Variants in ITGB5 observed in about 807,000 individuals in gnomAD.
ITGB5 encodes integrin subunit beta 5, also known as integrin beta-5.
Under a neutral mutation model 84.8 loss-of-function variants are expected in ITGB5, and 38 were observed. The observed-to-expected ratio is 0.45, with a 90% CI of 0.35 to 0.59. ITGB5 has a LOEUF of 0.59. Among genes scored for constraint, ITGB5 ranks in the 20% least tolerant of loss-of-function variants. The pLI, the probability that ITGB5 is intolerant of heterozygous loss-of-function variation, is 0.01. For synonymous variants in ITGB5, 393 were observed against 414.4 expected (o/e 0.95, Z 0.63); for missense variants, 905 against 1,034.5 (o/e 0.87, Z 1.72).
intron 10 of ITGB5, among the ~76,000 whole-genome samples, chr3:124,779,750 A>T (rs76706866): frequency 1.3e-5 from 2 of 152,104 alleles, no homozygotes; most frequent in African/African-American, 4.8e-5. Flanking sequence ...TAGCTCGCTT[A>T]ACCTCTATAA....
chr3:124,791,762 G>A (rs1023821933), intron 10 of ITGB5: 1 of 152,182 alleles, frequency 6.6e-6, no homozygotes, highest in Non-Finnish European at 1.5e-5. Context: ...AGTGGTGGCT[G>A]GGAACCAGGC....
chr3:124,814,040 C>T (rs765988993), intron 8 of ITGB5, among the ~76,000 whole-genome samples: 1 of 152,082 alleles, frequency 6.6e-6, no homozygotes, highest in Non-Finnish European at 1.5e-5. Flanking sequence ...CGGGAACCAG[C>T]GTTAAAGACC....
At chr3:124,851,671 C>T (rs957697278) in intron 3 of ITGB5, among the ~76,000 whole-genome samples, 3 of 151,468 alleles carry the variant, frequency 2.0e-5, no homozygotes, top group Admixed American at 6.6e-5. Flanking sequence ...AGGAAGGCTG[C>T]AGTTGTTAAA....
chr3:124,841,046 T>C (rs1353207893), intron 5 of ITGB5, among the ~76,000 whole-genome samples: 3 of 152,236 alleles, frequency 2.0e-5, no homozygotes, highest in African/African-American at 7.2e-5. Flanking sequence ...CTCTACAAGC[T>C]TCTATGCCTA....
intron 10 of ITGB5, among the ~76,000 whole-genome samples, chr3:124,794,981 T>C (rs2064200975): frequency 6.6e-6 from 1 of 152,124 alleles, no homozygotes; most frequent in Non-Finnish European, 1.5e-5. Flanking sequence ...TCATCCAGCA[T>C]GACAAGTAAC....
intron 1 of ITGB5, among the ~76,000 whole-genome samples, chr3:124,893,968 G>A (rs938195012): frequency 5.3e-5 from 8 of 151,906 alleles, no homozygotes; most frequent in Admixed American, 2.6e-4. Flanking sequence ...GACCAATTCC[G>A]AAAATACTCA....
chr3:124,817,838 T>G (rs2064630021), intron 7 of ITGB5, 128 bp from the exon 8 acceptor site: 3 of 605,780 alleles, frequency 5.0e-6, no homozygotes, highest in South Asian at 4.1e-5. Flanking sequence ...TCTCCCACCA[T>G]GAACTAAAGA....
chr3:124,844,100 T>C (rs1221995664), intron 4 of ITGB5, among the ~76,000 whole-genome samples: 1 of 150,932 alleles, frequency 6.6e-6, no homozygotes, highest in Non-Finnish European at 1.5e-5. Context: ...TAATTTAAAA[T>C]TTTTTAATAT....
At chr3:124,897,491 G>A (rs1315709271) in intron 1 of ITGB5, among the ~76,000 whole-genome samples, 1 of 152,092 alleles carries the variant, frequency 6.6e-6, no homozygotes, top group Non-Finnish European at 1.5e-5. Context: ...ATTAATCTCT[G>A]ACTTATTACT....
intron 10 of ITGB5, among the ~76,000 whole-genome samples, chr3:124,787,308 G>A (rs1262594585): frequency 6.6e-6 from 1 of 152,172 alleles, no homozygotes; most frequent in African/African-American, 2.4e-5. Flanking sequence ...GTAAGCAAAA[G>A]CAGTGAAAAA....
chr3:124,766,059 C>CAAAAAAAAAAAAAA (rs376914121), intron 13 of ITGB5, among the ~76,000 whole-genome samples, 167 bp downstream of exon 13: 2 of 104,446 alleles, frequency 1.9e-5, no homozygotes, highest in African/African-American at 6.8e-5. Flanking sequence ...CAGCCTGTGT[C>CAAAAAAAAAAAAAA]AAAAAAAAAA....
chr3:124,810,266 A>C (rs562075916), intron 8 of ITGB5, among the ~76,000 whole-genome samples: 1 of 152,354 alleles, frequency 6.6e-6, no homozygotes, highest in Non-Finnish European at 1.5e-5. Flanking sequence ...TATATTGTAT[A>C]ACTCTATTTA....
chr3:124,817,541 C>T, intron 8 of ITGB5, 80 bp downstream of exon 8: 2 of 729,818 alleles, frequency 2.7e-6, no homozygotes, highest in Non-Finnish European at 2.3e-6. Flanking sequence ...AACTGCCCAC[C>T]TGAGCCCGCG....
chr3:124,876,980 T>G (rs1934354408), intron 1 of ITGB5, among the ~76,000 whole-genome samples: 1 of 152,066 alleles, frequency 6.6e-6, no homozygotes, highest in South Asian at 2.1e-4. Flanking sequence ...TGTTTTTTTT[T>G]CTTTGTTTGA....
At chr3:124,861,495 TAC>T (rs1553766077) in intron 2 of ITGB5, among the ~76,000 whole-genome samples, 77 of 111,998 alleles carry the variant, frequency 6.9e-4, no homozygotes, top group South Asian at 5.0e-3. Context: ...TATATATATA[TAC>T]ACACACACAC....
chr3:124,772,856 T>C (rs1288461139), intron 11 of ITGB5, among the ~76,000 whole-genome samples: 1 of 152,096 alleles, frequency 6.6e-6, no homozygotes, highest in South Asian at 2.1e-4. Flanking sequence ...CAAAAGCCAT[T>C]TGCAGTGGTT....
Position 124,796,483 on chromosome 3 carries a change from C to T in ITGB5, c.1598G>A (p.Cys533Tyr). ...SGRGDCSCNQ[C>Y]SCFESEFGKI... ...GCCAAACTCGCTCTCGAAGCAGGAG[C>T]ACTGGTTGCAGCTGCAGTCCCCACG... The change falls in exon 10 of 15, where the codon TGC becomes TAC. Residue 533 changes from cysteine (C) to tyrosine (Y), a missense_variant. Coordinates refer to ENST00000296181, the MANE Select transcript of ITGB5 (RefSeq NM_002213.5). 1 of 1,614,164 alleles carries T rather than the reference C, an allele frequency of 6.2e-7. No homozygotes were observed. The highest frequency in any genetic ancestry group is 8.5e-7 in the Non-Finnish European group (1 of 1,180,036).
intron 8 of ITGB5, among the ~76,000 whole-genome samples, chr3:124,814,365 G>A (rs753945863): frequency 4.0e-5 from 6 of 151,630 alleles, no homozygotes; most frequent in Non-Finnish European, 5.9e-5. Flanking sequence ...CTATGGTGGC[G>A]ACGGTTTCAC....
At position 124,855,156 on chromosome 3, in the gene ITGB5, T is replaced by C. The variant is rs2065206518; in HGVS notation, c.361+4086A>G. Reference sequence around the variant, plus strand: ...GGTGAAACCCCGTCTCTACTAAAAATACAAAAATTAGCCAGGTGTGGTGGT... The same window carrying C: ...GGTGAAACCCCGTCTCTACTAAAAACACAAAAATTAGCCAGGTGTGGTGGT... On this transcript the variant is annotated intron_variant, in intron 3 of 14. Coordinates refer to ENST00000296181, the MANE Select transcript of ITGB5 (RefSeq NM_002213.5). Among the ~76,000 whole-genome samples the C allele has an allele frequency of 2.6e-5, 4 of 152,116 alleles. No homozygotes were observed. In the South Asian group the frequency reaches 6.2e-4, roughly 24 times the overall value.
Sources: gnomAD v4.1 joint callset for allele counts (sites outside exome capture counted in the v4.1 genomes callset) on GRCh38, gnomAD v4.1.1 for gene constraint, MANE v1.5 for transcripts, NCBI Gene and HGNC (gene_info 2026-07-23, HGNC 2026-07-21) for gene names.